ADGRL3: variants seen among roughly 807,000 people sequenced by gnomAD.
ADGRL3 encodes the protein calcium-independent alpha-latrotoxin receptor 3.
In ADGRL3, 62 loss-of-function variants were observed where a neutral mutation model predicts 153.5. The ratio of observed to expected loss-of-function variants is 0.40; its 90% confidence interval spans 0.33 to 0.50. The LOEUF (loss-of-function observed/expected upper bound fraction) is 0.50, where lower values mean the gene tolerates loss of function less well. Ranked by LOEUF, ADGRL3 falls within the 20% of genes least tolerant of loss-of-function variation. The pLI is 0.47. For synonymous variants in ADGRL3, 710 were observed against 672.5 expected (o/e 1.06, Z -0.86); for missense variants, 1,641 against 1,859.4 (o/e 0.88, Z 2.16).
intron 2 of ADGRL3, among the ~76,000 whole-genome samples, chr4:61,404,940 C>A (rs1264831367): frequency 1.6e-4 from 25 of 151,958 alleles, no homozygotes; most frequent in Admixed American, 1.6e-3. Flanking sequence ...ATAAGAATAT[C>A]ATTTAAAATG....
chr4:62,053,913 AATT>A (rs569034688), intron 25 of ADGRL3, among the ~76,000 whole-genome samples: 223 of 151,618 alleles, frequency 1.5e-3, no homozygotes, highest in African/African-American at 5.2e-3. Flanking sequence ...CACTTTGGTA[AATT>A]ATTTTGTCTT....
intron 1 of ADGRL3, among the ~76,000 whole-genome samples, chr4:61,361,944 C>CT (rs2096288542): frequency 6.8e-6 from 1 of 146,678 alleles, no homozygotes; most frequent in South Asian, 2.2e-4. Context: ...TAACAGTTCT[C>CT]TGAGGAAGGC....
chr4:61,647,964 T>G (rs184893780), intron 5 of ADGRL3, among the ~76,000 whole-genome samples: 1 of 152,284 alleles, frequency 6.6e-6, no homozygotes, highest in Admixed American at 6.5e-5. Context: ...ATCCATAATT[T>G]TCCTATTCTG....
intron 1 of ADGRL3, among the ~76,000 whole-genome samples, chr4:61,223,128 A>T (rs548183264): frequency 6.6e-6 from 1 of 152,154 alleles, no homozygotes; most frequent in Admixed American, 6.5e-5. Flanking sequence ...AAGTCAGATT[A>T]TCTCTCTCAT....
At position 61,839,955 on chromosome 4, in the gene ADGRL3, GA is replaced by G. The variant is rs1309946422; in HGVS notation, c.1480+26076del. Among the ~76,000 whole-genome samples, 78 of 113,660 alleles carry G rather than the reference GA, an allele frequency of 6.9e-4. 2 individuals carry two copies. The highest frequency in any genetic ancestry group is 6.3e-4 in the African/African-American group (18 of 28,636). 74.6% of individuals were successfully genotyped at this position (113,660 alleles called of 152,430 possible). A position where few individuals can be genotyped will look rare whatever the true frequency, so the allele number is the denominator to read the frequency against. ...ACAGAGCAAGACCCCCATCTTAAAA[GA>G]AAAAAAAAAGGACATTAAAAAAAAA... is the stretch of plus-strand genomic sequence containing the variant. On this transcript the variant is annotated intron_variant, in intron 9 of 26. Coordinates refer to ENST00000683033, the MANE Select transcript of ADGRL3 (RefSeq NM_001387552.1).
intron 2 of ADGRL3, chr4:61,385,436 A>G (rs552798723): frequency 3.3e-4 from 51 of 152,374 alleles, no homozygotes; most frequent in African/African-American, 1.2e-3. Flanking sequence ...CAATCCTTCA[A>G]TGGCCACCCC....
chr4:61,961,800 A>T (rs2098988798), intron 17 of ADGRL3, among the ~76,000 whole-genome samples: 1 of 152,318 alleles, frequency 6.6e-6, no homozygotes, highest in South Asian at 2.1e-4. Flanking sequence ...AATTATTCAT[A>T]GAAAGAGAGC....
chr4:61,366,072 C>T (rs1465334939), intron 1 of ADGRL3, among the ~76,000 whole-genome samples: 1 of 152,094 alleles, frequency 6.6e-6, no homozygotes, highest in Non-Finnish European at 1.5e-5. Flanking sequence ...CTGTGATATG[C>T]TAGATCCTTT....
At chr4:61,380,742 A>G (rs2096657696) in intron 1 of ADGRL3, among the ~76,000 whole-genome samples, 1 of 151,932 alleles carries the variant, frequency 6.6e-6, no homozygotes, top group Non-Finnish European at 1.5e-5. Flanking sequence ...ATTTATTTTT[A>G]TCCAAAATAA....
At chr4:61,664,625 G>T (rs1344454646) in intron 5 of ADGRL3, among the ~76,000 whole-genome samples, 1 of 151,618 alleles carries the variant, frequency 6.6e-6, no homozygotes, top group Non-Finnish European at 1.5e-5. Flanking sequence ...CACATAGTGG[G>T]GATTCATTTT....
chr4:61,394,442 A>G (rs1359069854), intron 2 of ADGRL3, among the ~76,000 whole-genome samples: 1 of 152,036 alleles, frequency 6.6e-6, no homozygotes, highest in African/African-American at 2.4e-5. Context: ...CTGAGCACTG[A>G]TGAAAAGTTC....
chr4:61,625,046 C>A (rs2092751992), intron 5 of ADGRL3, among the ~76,000 whole-genome samples: 1 of 151,662 alleles, frequency 6.6e-6, no homozygotes. Context: ...TGATACTGAA[C>A]CAAAAAGAGC....
At chr4:61,375,650 G>A (rs952729315) in intron 1 of ADGRL3, among the ~76,000 whole-genome samples, 25 of 152,096 alleles carry the variant, frequency 1.6e-4, no homozygotes, top group African/African-American at 6.0e-4. Context: ...ATTTCAAAAT[G>A]TTTTAGTACA....
At chr4:61,707,365 T>A (rs1322684083) in intron 6 of ADGRL3, among the ~76,000 whole-genome samples, 2 of 152,118 alleles carry the variant, frequency 1.3e-5, no homozygotes, top group Admixed American at 1.3e-4. Context: ...CCACAAACCT[T>A]CAATTTGCAA....
chr4:61,418,156 A>G (rs994132731), intron 2 of ADGRL3, among the ~76,000 whole-genome samples: 35 of 152,224 alleles, frequency 2.3e-4, no homozygotes, highest in Non-Finnish European at 1.0e-4. Flanking sequence ...CATTTCATGT[A>G]AGATTGCTAC....
chr4:61,750,647 G>A (rs190017560), intron 8 of ADGRL3, among the ~76,000 whole-genome samples: 98 of 152,032 alleles, frequency 6.4e-4, no homozygotes, highest in Non-Finnish European at 1.2e-3. Flanking sequence ...AAATTTAGCC[G>A]GGCGTAGTGG....
chr4:61,591,244 T>G (rs1410667268), intron 5 of ADGRL3, among the ~76,000 whole-genome samples: 3 of 152,194 alleles, frequency 2.0e-5, no homozygotes, highest in African/African-American at 7.2e-5. Context: ...GTAAATTTGT[T>G]GAAGCATTTG....
At chr4:61,443,387 T>A (rs1459734657) in intron 2 of ADGRL3, among the ~76,000 whole-genome samples, 1 of 152,158 alleles carries the variant, frequency 6.6e-6, no homozygotes, top group Non-Finnish European at 1.5e-5. Flanking sequence ...TGTTCTTTTA[T>A]CATTAACAAT....
chr4:61,217,236 G>T (rs551605483), intron 1 of ADGRL3, among the ~76,000 whole-genome samples: 11 of 152,316 alleles, frequency 7.2e-5, no homozygotes, highest in Admixed American at 1.3e-4. Flanking sequence ...CAGAAGACAA[G>T]TCCAGGATGC....
Sources: allele counts gnomAD v4.1 joint callset (sites outside exome capture counted in the v4.1 genomes callset), GRCh38; gene constraint gnomAD v4.1.1; transcripts MANE v1.5; gene names NCBI Gene and HGNC (gene_info 2026-07-23, HGNC 2026-07-21).